Variants in STIM2 observed in about 807,000 individuals in gnomAD.
STIM2 encodes the protein stromal interaction molecule 2.
STIM2 carries 31 observed loss-of-function variants against 85.8 expected under a neutral mutation model. The ratio of observed to expected loss-of-function variants is 0.36; its 90% confidence interval spans 0.27 to 0.49. The LOEUF is 0.49. Ranked by LOEUF, STIM2 falls within the 20% of genes least tolerant of loss-of-function variation. The pLI, the probability that STIM2 is intolerant of heterozygous loss-of-function variation, is 0.98. For synonymous variants in STIM2, 356 were observed against 331.1 expected (o/e 1.08, Z -0.82); for missense variants, 841 against 927.6 (o/e 0.91, Z 1.21).
intron 2 of STIM2, among the ~76,000 whole-genome samples, chr4:26,922,220 A>G (rs73813221): frequency 0.011 from 1,703 of 151,950 alleles, 32 homozygotes; most frequent in African/African-American, 0.039. Context: ...TGTTTGTATT[A>G]TATTTTTATA....
intron 3 of STIM2, among the ~76,000 whole-genome samples, chr4:26,995,103 C>A (rs1727905993): frequency 6.6e-6 from 1 of 152,032 alleles, no homozygotes; most frequent in Non-Finnish European, 1.5e-5. Context: ...TTTCTACAAC[C>A]AGAAAAATGA....
intron 1 of STIM2, among the ~76,000 whole-genome samples, chr4:26,865,218 G>A (rs904325052): frequency 2.6e-5 from 4 of 152,128 alleles, no homozygotes; most frequent in Admixed American, 6.5e-5. Context: ...GCTAACTACA[G>A]GATTAAAGAA....
intron 7 of STIM2, among the ~76,000 whole-genome samples, chr4:27,005,278 G>A (rs1267263271): frequency 6.6e-6 from 1 of 152,240 alleles, no homozygotes; most frequent in South Asian, 2.1e-4. Flanking sequence ...TTTATGTTTT[G>A]TGTGATTTAA....
chr4:27,010,321 G>A (rs1391801000), intron 10 of STIM2, among the ~76,000 whole-genome samples: 1 of 152,068 alleles, frequency 6.6e-6, no homozygotes, highest in Non-Finnish European at 1.5e-5. Flanking sequence ...GTGTGCGCCT[G>A]TAATCTCAGC....
intron 1 of STIM2, among the ~76,000 whole-genome samples, chr4:26,909,683 C>T (rs1194444205): frequency 3.3e-5 from 5 of 152,110 alleles, no homozygotes; most frequent in South Asian, 2.1e-4. Context: ...GTAAAATATA[C>T]GTAACATAAA....
chr4:27,022,973 C>T lies in STIM2; in HGVS notation c.2218C>T (p.Leu740Phe). The stretch of plus-strand genomic sequence containing the variant: ...CAAAAAGCCATCAAAAATCAAAAGC[C>T]TTTTTAAGAAGAAATCTAAGTGAAC... The change falls in exon 12 of 12, where the codon CTT (leucine) becomes TTT (phenylalanine). Residue 740 changes from leucine to phenylalanine, a missense_variant. Physicochemically the swap from Leu to Phe is conservative, Grantham distance 22. This residue lies in a region of STIM2 where 293 missense variants were observed against 284.5 expected (regional missense o/e 1.03). Coordinates refer to ENST00000467087, the MANE Select transcript of STIM2 (RefSeq NM_020860.4). 1.2e-6 allele frequency: 2 copies of T among 1,612,798 alleles called. No homozygotes were observed. The highest frequency in any genetic ancestry group is 1.7e-6 in the Non-Finnish European group (2 of 1,179,836).
At chr4:27,018,039 G>A in intron 11 of STIM2, 55 bp downstream of exon 11, 2 of 1,592,018 alleles carry the variant, frequency 1.3e-6, no homozygotes, top group Non-Finnish European at 1.7e-6. Flanking sequence ...GGGGTAAGGT[G>A]TGAGGAGGGG....
chr4:26,978,019 G>A (rs187432692), intron 3 of STIM2, among the ~76,000 whole-genome samples: 5 of 152,206 alleles, frequency 3.3e-5, no homozygotes, highest in African/African-American at 1.2e-4. Flanking sequence ...CAATTGGATT[G>A]GCAAAGTCGA....
At chr4:26,861,706 T>TTG (rs1201214055) in intron 1 of STIM2, 3 of 179,526 alleles carry the variant, frequency 1.7e-5, no homozygotes, top group African/African-American at 7.2e-5. Flanking sequence ...TTTTTTTTTT[T>TTG]TTTTTTTTTT....
chr4:26,913,901 C>G (rs1724437658), intron 1 of STIM2, among the ~76,000 whole-genome samples: 1 of 152,046 alleles, frequency 6.6e-6, no homozygotes, highest in Non-Finnish European at 1.5e-5. Flanking sequence ...AACGAATCAA[C>G]TCATATACTG....
chr4:26,869,456 C>T (rs569915300), intron 1 of STIM2, among the ~76,000 whole-genome samples: 1 of 152,168 alleles, frequency 6.6e-6, no homozygotes, highest in East Asian at 1.9e-4. Flanking sequence ...TATTTAGTGA[C>T]TGTTTTGTGC....
intron 1 of STIM2, among the ~76,000 whole-genome samples, chr4:26,894,510 G>C (rs1479787148): frequency 1.3e-5 from 2 of 149,496 alleles, no homozygotes; most frequent in African/African-American, 4.9e-5. Context: ...TTTTCCTTCC[G>C]TGTGGATGTT....
intron 1 of STIM2, among the ~76,000 whole-genome samples, chr4:26,915,744 A>G (rs1724553554): frequency 6.6e-6 from 1 of 152,232 alleles, no homozygotes; most frequent in African/African-American, 2.4e-5. Flanking sequence ...AGAGAAAAGA[A>G]TGCTTAGCAT....
intron 2 of STIM2, among the ~76,000 whole-genome samples, chr4:26,950,167 G>T (rs1725992282): frequency 6.6e-6 from 1 of 152,072 alleles, no homozygotes; most frequent in African/African-American, 2.4e-5. Context: ...GTATCAAAAA[G>T]AACCAGTGAC....
intron 1 of STIM2, among the ~76,000 whole-genome samples, chr4:26,887,041 T>C (rs994463858): frequency 6.6e-6 from 1 of 152,126 alleles, no homozygotes; most frequent in African/African-American, 2.4e-5. Flanking sequence ...TTCATTGTTA[T>C]ATGAACTTTA....
chr4:26,899,493 C>T (rs981451804), intron 1 of STIM2, among the ~76,000 whole-genome samples: 1 of 151,982 alleles, frequency 6.6e-6, no homozygotes, highest in African/African-American at 2.4e-5. Flanking sequence ...ATTCTTCTTT[C>T]CTTGATTTTT....
intron 3 of STIM2, among the ~76,000 whole-genome samples, chr4:26,968,826 A>G (rs1726826520): frequency 6.6e-6 from 1 of 152,202 alleles, no homozygotes; most frequent in Non-Finnish European, 1.5e-5. Context: ...CTGATGAGGT[A>G]GAAGGTTTTC....
intron 7 of STIM2, among the ~76,000 whole-genome samples, chr4:27,003,692 G>T (rs1728237868): frequency 6.6e-6 from 1 of 151,864 alleles, no homozygotes; most frequent in Non-Finnish European, 1.5e-5. Flanking sequence ...AAAAAAAAAA[G>T]CCACAAACTT....
intron 5 of STIM2, among the ~76,000 whole-genome samples, chr4:27,000,403 A>G (rs1170925560): frequency 6.6e-6 from 1 of 152,176 alleles, no homozygotes; most frequent in Admixed American, 6.5e-5. Context: ...CATAGAGATG[A>G]TGCCCTTTCC....
Sources: allele counts gnomAD v4.1 joint callset (sites outside exome capture counted in the v4.1 genomes callset), GRCh38; gene constraint gnomAD v4.1.1; regional missense constraint gnomAD v4.1.1; transcripts MANE v1.5; gene names NCBI Gene and HGNC (gene_info 2026-07-23, HGNC 2026-07-21).